Variants in MRPS9 observed in about 807,000 individuals in gnomAD.
The protein encoded by MRPS9 is small ribosomal subunit protein uS9m.
MRPS9 carries 45 observed loss-of-function variants against 59.9 expected under a neutral mutation model. The ratio of observed to expected loss-of-function variants is 0.75; its 90% CI spans 0.59 to 0.96. MRPS9 has a LOEUF of 0.96. MRPS9 is among the 40% of genes least tolerant of loss of function. The probability of loss-of-function intolerance (pLI) is 0.00; values close to 1 mark genes in which losing one functional copy is unlikely to be tolerated. For synonymous variants in MRPS9, 171 were observed against 166.8 expected (o/e 1.03, Z -0.19); for missense variants, 473 against 481.1 (o/e 0.98, Z 0.16).
At chr2:105,061,941 G>C (rs1679914166) in intron 2 of MRPS9, among the ~76,000 whole-genome samples, 2 of 152,116 alleles carry the variant, frequency 1.3e-5, no homozygotes, top group Non-Finnish European at 2.9e-5. Flanking sequence ...GTCACAACTT[G>C]ATATTTATAT....
At chr2:105,080,337 T>C (rs1266545533) in intron 5 of MRPS9, among the ~76,000 whole-genome samples, 1 of 152,202 alleles carries the variant, frequency 6.6e-6, no homozygotes, top group Non-Finnish European at 1.5e-5. Flanking sequence ...AACTCAATTA[T>C]AGTGTGTACA....
intron 5 of MRPS9, among the ~76,000 whole-genome samples, chr2:105,086,208 G>A (rs1680440931): frequency 6.6e-6 from 1 of 152,184 alleles, no homozygotes; most frequent in Non-Finnish European, 1.5e-5. Context: ...ATTTAAAGAA[G>A]TGTATGGAGT....
At chr2:105,048,629 A>G (rs1679652256) in intron 1 of MRPS9, among the ~76,000 whole-genome samples, 1 of 152,070 alleles carries the variant, frequency 6.6e-6, no homozygotes, top group Non-Finnish European at 1.5e-5. Flanking sequence ...TCACTTTAAT[A>G]TAAGGACCAT....
intron 4 of MRPS9, among the ~76,000 whole-genome samples, chr2:105,073,960 G>T (rs1680162769): frequency 1.3e-5 from 2 of 152,140 alleles, no homozygotes; most frequent in South Asian, 4.1e-4. Context: ...GAGGCCTATG[G>T]ACTATTAATA....
At chr2:105,074,455 GTAACTTTATTC>G (rs1680170807) in intron 4 of MRPS9, among the ~76,000 whole-genome samples, 1 of 152,118 alleles carries the variant, frequency 6.6e-6, no homozygotes, top group South Asian at 2.1e-4. Flanking sequence ...GTTGTTATGG[GTAACTTTATTC>G]TAACTTGAAA....
At chr2:105,087,989 A>G (rs1195402627) in intron 5 of MRPS9, among the ~76,000 whole-genome samples, 1 of 152,148 alleles carries the variant, frequency 6.6e-6, no homozygotes, top group Admixed American at 6.5e-5. Context: ...AGAGCCCACA[A>G]GAAGTTGCCC....
At chr2:105,071,077 A>G (rs1225937873) in intron 2 of MRPS9, among the ~76,000 whole-genome samples, 2 of 152,224 alleles carry the variant, frequency 1.3e-5, no homozygotes. Flanking sequence ...CTCATATTCA[A>G]GGAATGACAT....
At chr2:105,096,539 CAG>C (rs1016764140) in intron 9 of MRPS9, among the ~76,000 whole-genome samples, 5 of 152,052 alleles carry the variant, frequency 3.3e-5, no homozygotes, top group Non-Finnish European at 4.4e-5. Flanking sequence ...GCAGGCCTGA[CAG>C]GGGTTGTGTA....
At chr2:105,089,111 CT>C (rs752809846) in intron 6 of MRPS9, 42 bp downstream of exon 6, 171 of 1,463,502 alleles carry the variant, frequency 1.2e-4, no homozygotes, top group Non-Finnish European at 1.6e-4. Context: ...AAAATTTGAA[CT>C]AAAAACATGC....
At chr2:105,052,760 AGTT>A (rs1331995508) in intron 2 of MRPS9, among the ~76,000 whole-genome samples, 1 of 151,834 alleles carries the variant, frequency 6.6e-6, no homozygotes, top group African/African-American at 2.4e-5. Context: ...TTTCTTTGTG[AGTT>A]GTTGTTGTTG....
intron 1 of MRPS9, chr2:105,038,517 C>G (rs1174715526): frequency 1.7e-5 from 7 of 414,178 alleles, no homozygotes; most frequent in Non-Finnish European, 3.2e-5. Context: ...AGGGTCGGTG[C>G]CTAGGTCTGT....
At chr2:105,073,957 A>G (rs901878869) in intron 4 of MRPS9, among the ~76,000 whole-genome samples, 4 of 152,234 alleles carry the variant, frequency 2.6e-5, no homozygotes, top group Non-Finnish European at 5.9e-5. Flanking sequence ...GCAGAGGCCT[A>G]TGGACTATTA....
At chr2:105,042,487 A>G (rs1679518391) in intron 1 of MRPS9, among the ~76,000 whole-genome samples, 1 of 152,256 alleles carries the variant, frequency 6.6e-6, no homozygotes, top group Non-Finnish European at 1.5e-5. Context: ...GAAGCTGCCT[A>G]CAACAGTGGA....
rs377132557 is a variant in MRPS9, at chr2:105,081,161, A to G, written c.489+1099A>G. 2.6e-5 allele frequency among the ~76,000 whole-genome samples: 4 copies of G among 152,300 alleles called. No homozygotes were observed. In the South Asian group the frequency reaches 8.3e-4, roughly 32 times the overall value. On this transcript the variant is annotated intron_variant, in intron 5 of 10. Transcript: ENST00000258455. ...GTTTGATCTGTGGTAATATTTGTGA[A>G]GGTTCCATATGGACTTGAGCCCCCT...
intron 1 of MRPS9, among the ~76,000 whole-genome samples, chr2:105,040,424 C>T (rs560600307): frequency 1.3e-5 from 2 of 152,230 alleles, no homozygotes; most frequent in East Asian, 3.9e-4. Flanking sequence ...AAGTGCATTT[C>T]ATGCAGAGTA....
chr2:105,052,824 G>C lies in MRPS9; in HGVS notation c.315+3474G>C, dbSNP rs182750309. ...AAATGGTCCTACCTCCTTGTGGTCT[G>C]TGTGTCCCAGAGTAACTGTTCTTAG... On this transcript the variant is annotated intron_variant, in intron 2 of 10. Transcript: ENST00000258455. Among the ~76,000 whole-genome samples the C allele has an allele frequency of 2.8e-3, 420 of 152,238 alleles. 2 individuals carry two copies. The highest frequency in any genetic ancestry group is 9.5e-3 in the African/African-American group (395 of 41,544).
chr2:105,047,424 G>C (rs1042944776), intron 1 of MRPS9, among the ~76,000 whole-genome samples: 1 of 151,532 alleles, frequency 6.6e-6, no homozygotes, highest in African/African-American at 2.4e-5. Context: ...ATATTTTCTT[G>C]TGTAACTTTA....
At chr2:105,052,107 C>G (rs929566380) in intron 2 of MRPS9, among the ~76,000 whole-genome samples, 1 of 152,114 alleles carries the variant, frequency 6.6e-6, no homozygotes, top group African/African-American at 2.4e-5. Context: ...ATTTGGATAC[C>G]TCTATTTCTT....
chr2:105,052,075 A>G (rs1679721914), intron 2 of MRPS9, among the ~76,000 whole-genome samples: 1 of 149,460 alleles, frequency 6.7e-6, no homozygotes, highest in African/African-American at 2.5e-5. Flanking sequence ...GAAAATGGAA[A>G]TAGTTTTACT....
Sources: gnomAD v4.1 joint callset for allele counts (sites outside exome capture counted in the v4.1 genomes callset) on GRCh38, gnomAD v4.1.1 for gene constraint, MANE v1.5 for transcripts, NCBI Gene and HGNC (gene_info 2026-07-23, HGNC 2026-07-21) for gene names.